The following ZFPM2 variants were observed in gnomAD, a reference collection of about 807,000 sequenced individuals.
ZFPM2 encodes zinc finger protein ZFPM2.
Under a neutral mutation model 98.6 loss-of-function variants are expected in ZFPM2, and 20 were observed. The ratio of observed to expected loss-of-function variants is 0.20; its 90% CI spans 0.14 to 0.29. The LOEUF (loss-of-function observed/expected upper bound fraction) is 0.29. ZFPM2 is among the 10% of genes least tolerant of loss of function. ZFPM2 has a pLI of 1.00. For synonymous variants in ZFPM2, 518 were observed against 502.7 expected, an observed-to-expected ratio of 1.03 and a Z score of -0.41; for missense variants, 1,310 against 1,388.6, an observed-to-expected ratio of 0.94 and a Z score of 0.90.
intron 4 of ZFPM2, among the ~76,000 whole-genome samples, chr8:105,596,093 C>G (rs548198353): frequency 6.6e-6 from 1 of 151,344 alleles, no homozygotes; most frequent in Non-Finnish European, 1.5e-5. Context: ...TTAGTAGACA[C>G]TACTTCTGTG....
intron 5 of ZFPM2, among the ~76,000 whole-genome samples, chr8:105,695,378 A>ATTTTT (rs1165726984): frequency 1.3e-5 from 1 of 74,842 alleles, no homozygotes; most frequent in Non-Finnish European, 2.5e-5. Flanking sequence ...AATGGTTTGT[A>ATTTTT]TTTTTTTTTT....
At chr8:105,618,878 A>T (rs1586153612) in intron 4 of ZFPM2, among the ~76,000 whole-genome samples, 1 of 152,134 alleles carries the variant, frequency 6.6e-6, no homozygotes, top group African/African-American at 2.4e-5. Context: ...GAGATAATGA[A>T]TATATGCTAA....
chr8:105,534,156 TCCTTTCTCTCTTCCTCCC>T (rs1814387172), intron 3 of ZFPM2, among the ~76,000 whole-genome samples: 4 of 43,460 alleles, frequency 9.2e-5, no homozygotes, highest in Non-Finnish European at 1.6e-4. Flanking sequence ...CCTTCCTCCC[TCCTTTCTCTCTTCCTCCC>T]TCCTTCCCTC....
At chr8:105,681,867 G>T (rs1452923472) in intron 5 of ZFPM2, among the ~76,000 whole-genome samples, 3 of 152,088 alleles carry the variant, frequency 2.0e-5, no homozygotes, top group Non-Finnish European at 4.4e-5. Context: ...TATAATTAAG[G>T]TTTAGTGTCT....
In ZFPM2 at chr8:105,419,257, C is replaced by T. The variant is rs1268266729; in HGVS notation, c.154C>T (p.Pro52Ser). ...LEESFSTEFG[P>S]ENLSCEEVEY... ...GGAAAGCTTTTCCACAGAATTTGGGCCTGAAAATCTGAGCTGCGAAGAAGT... is the reference window on the plus strand; with the variant it reads ...GGAAAGCTTTTCCACAGAATTTGGGTCTGAAAATCTGAGCTGCGAAGAAGT... The change falls in exon 2 of 8, where the codon CCT (proline) becomes TCT (serine). Residue 52 changes from proline to serine, a missense_variant. Transcript: ENST00000407775. The T allele has an allele frequency of 1.4e-5, 22 of 1,613,452 alleles. No individual in the cohort carries two copies. The highest frequency in any genetic ancestry group is 1.9e-5 in the Non-Finnish European group (22 of 1,179,636).
At chr8:105,591,255 A>G (rs1252161919) in intron 4 of ZFPM2, among the ~76,000 whole-genome samples, 1 of 151,920 alleles carries the variant, frequency 6.6e-6, no homozygotes, top group African/African-American at 2.4e-5. Context: ...ATTTGAAAAA[A>G]AAAAGCAACA....
intron 3 of ZFPM2, among the ~76,000 whole-genome samples, chr8:105,500,187 T>C (rs1813562187): frequency 6.6e-6 from 1 of 152,220 alleles, no homozygotes; most frequent in Non-Finnish European, 1.5e-5. Flanking sequence ...GATTTCTCCT[T>C]TTATCATCCC....
intron 5 of ZFPM2, among the ~76,000 whole-genome samples, chr8:105,723,753 A>G (rs1356036298): frequency 2.6e-5 from 4 of 152,000 alleles, no homozygotes; most frequent in Admixed American, 2.0e-4. Context: ...CATTTGCTCT[A>G]AAGAGTAGAG....
At chr8:105,556,995 A>G (rs1815009949) in intron 3 of ZFPM2, among the ~76,000 whole-genome samples, 1 of 152,096 alleles carries the variant, frequency 6.6e-6, no homozygotes, top group Non-Finnish European at 1.5e-5. Flanking sequence ...AAGTGCTAGT[A>G]TTACAGGCCT....
At chr8:105,610,252 C>T (rs34208030) in intron 4 of ZFPM2, among the ~76,000 whole-genome samples, 44,331 of 151,988 alleles carry the variant, frequency 0.29, 6,927 homozygotes, top group South Asian at 0.4. Flanking sequence ...CTTAGCTTAT[C>T]ATATACCTAC....
chr8:105,720,614 C>A (rs1400741110), intron 5 of ZFPM2, among the ~76,000 whole-genome samples: 2 of 151,852 alleles, frequency 1.3e-5, no homozygotes, highest in Non-Finnish European at 2.9e-5. Context: ...TGGAAAAGAA[C>A]ATCTCTGTCG....
intron 1 of ZFPM2, among the ~76,000 whole-genome samples, chr8:105,404,751 T>C (rs769166304): frequency 6.6e-6 from 1 of 152,068 alleles, no homozygotes; most frequent in Non-Finnish European, 1.5e-5. Flanking sequence ...GTGTGTGGAA[T>C]CCTGGTAGAT....
chr8:105,698,816 G>A (rs1212870822), intron 5 of ZFPM2, among the ~76,000 whole-genome samples: 2 of 152,150 alleles, frequency 1.3e-5, no homozygotes, highest in African/African-American at 2.4e-5. Flanking sequence ...CAATTTCAAT[G>A]TTGTTTAGAT....
chr8:105,515,193 T>C (rs943516977), intron 3 of ZFPM2, among the ~76,000 whole-genome samples: 3 of 152,228 alleles, frequency 2.0e-5, no homozygotes, highest in African/African-American at 7.2e-5. Flanking sequence ...TAACCATGTA[T>C]TAATTTCAAA....
chr8:105,416,115 C>G (rs1811675283), intron 1 of ZFPM2, among the ~76,000 whole-genome samples: 1 of 151,288 alleles, frequency 6.6e-6, no homozygotes, highest in African/African-American at 2.4e-5. Flanking sequence ...TATCAAAAAC[C>G]TTGATAAATA....
At chr8:105,332,391 A>G (rs554504773) in intron 1 of ZFPM2, among the ~76,000 whole-genome samples, 7 of 151,776 alleles carry the variant, frequency 4.6e-5, no homozygotes, top group Non-Finnish European at 8.8e-5. Context: ...AGATGCTCAA[A>G]GAGTAGTAGA....
rs1399110680 is a variant in ZFPM2 at position 105,419,172 on chromosome 8, G to A, written c.69G>A (p.Glu23=). 4 of 1,612,898 alleles carry A rather than the reference G, an allele frequency of 2.5e-6. No individual in the cohort carries two copies. In the East Asian group the frequency reaches 8.9e-5, roughly 36 times the overall value. ...CGCTTGAAGATGCCATTGAAGATGAGGAAGAAGAATGTCCATCAGAGGAAA... is the reference window on the plus strand; with the variant it reads ...CGCTTGAAGATGCCATTGAAGATGAAGAAGAAGAATGTCCATCAGAGGAAA... ...KRPLEDAIED[E]EEECPSEETD... is the part of the protein sequence containing the mutation. The change falls in exon 2 of 8, where the codon GAG becomes GAA. Residue 23 remains glutamate (E), a synonymous_variant. Transcript: ENST00000407775.
intron 2 of ZFPM2, among the ~76,000 whole-genome samples, chr8:105,424,652 C>T (rs1811870838): frequency 6.6e-6 from 1 of 152,002 alleles, no homozygotes; most frequent in African/African-American, 2.4e-5. Context: ...TAATGTTAGC[C>T]CCATAAGTAA....
intron 1 of ZFPM2, among the ~76,000 whole-genome samples, chr8:105,327,152 G>T (rs1321156727): frequency 6.6e-6 from 1 of 151,332 alleles, no homozygotes; most frequent in African/African-American, 2.4e-5. Context: ...GAGAAAAAAA[G>T]ATTTTTTAGC....
Sources: allele counts gnomAD v4.1 joint callset (sites outside exome capture counted in the v4.1 genomes callset), GRCh38; gene constraint gnomAD v4.1.1; transcripts MANE v1.5; gene names NCBI Gene and HGNC (gene_info 2026-07-23, HGNC 2026-07-21).